RALGAPA2: variants seen among roughly 807,000 people sequenced by gnomAD.
RALGAPA2 encodes the protein ral GTPase-activating protein subunit alpha-2.
Under a neutral mutation model 230.4 loss-of-function variants are expected in RALGAPA2, and 139 were observed. The observed-to-expected ratio is 0.60, with a 90% CI of 0.53 to 0.69. The LOEUF (loss-of-function observed/expected upper bound fraction) is 0.69, where lower values mean the gene tolerates loss of function less well. Ranked by LOEUF, RALGAPA2 falls within the 30% of genes least tolerant of loss-of-function variation. RALGAPA2 has a pLI of 0.00. For synonymous variants in RALGAPA2, 847 were observed against 837.8 expected (o/e 1.01, Z -0.19); for missense variants, 2,163 against 2,276.0 (o/e 0.95, Z 1.01).
chr20:20,492,844 C>T (rs773627980), intron 36 of RALGAPA2, among the ~76,000 whole-genome samples: 1 of 152,066 alleles, frequency 6.6e-6, no homozygotes, highest in Admixed American at 6.5e-5. Context: ...AATTATATTG[C>T]TTAATTAATC....
At chr20:20,496,668 A>G (rs902780335) in intron 35 of RALGAPA2, among the ~76,000 whole-genome samples, 9 of 152,218 alleles carry the variant, frequency 5.9e-5, no homozygotes, top group Non-Finnish European at 1.3e-4. Flanking sequence ...GTATTTTTTA[A>G]AAAGGTGTTC....
In RALGAPA2 at chr20:20,389,663, A is replaced by G. The variant is rs994351440; in HGVS notation, c.*3626T>C. The G allele has an allele frequency of 6.6e-6, 1 of 151,940 alleles. No homozygotes were observed. Among genetic ancestry groups the G allele is most frequent in the African/African-American group, 2.4e-5 (1 of 41,348 alleles). 9.4% of individuals were successfully genotyped at this position (151,940 alleles called of 1,614,324 possible). Reference sequence around the variant, plus strand: ...CCACTTTATTAAATCATCACAGTAAATCAGAATTAAAGAGTAAAAGAGGTT... The same window carrying G: ...CCACTTTATTAAATCATCACAGTAAGTCAGAATTAAAGAGTAAAAGAGGTT... On this transcript the variant is annotated 3_prime_UTR_variant, in exon 40 of 40. Transcript: ENST00000202677.
At chr20:20,574,525 G>T (rs184516376) in intron 20 of RALGAPA2, among the ~76,000 whole-genome samples, 1 of 152,124 alleles carries the variant, frequency 6.6e-6, no homozygotes, top group Non-Finnish European at 1.5e-5. Context: ...ATTTGAGTAC[G>T]TCTCCAGCTT....
chr20:20,626,359 C>G (rs187964859), intron 10 of RALGAPA2, among the ~76,000 whole-genome samples: 2 of 152,182 alleles, frequency 1.3e-5, no homozygotes, highest in East Asian at 3.8e-4. Flanking sequence ...TTCACATACA[C>G]AGTTACTCTT....
In RALGAPA2 at chr20:20,611,364, T is replaced by C; in HGVS notation, c.1751A>G (p.Lys584Arg). The change falls in exon 14 of 40, where the codon AAA becomes AGA. Residue 584 changes from lysine to arginine, a missense_variant. Lys to Arg is a conservative substitution (Grantham distance 26). Transcript: ENST00000202677. The part of the protein sequence containing the change: ...TEAVMQKPKD[K>R]QIKDLFAQSL... ...CTGGGCAAACAAGTCCTTTATTTGT[T>C]TATCCTTTGGCTTCTGCATGACAGC... 1.9e-6 allele frequency: 3 copies of C among 1,613,672 alleles called. No homozygotes were observed. In the South Asian group the frequency reaches 3.3e-5, roughly 18 times the overall value.
intron 23 of RALGAPA2, among the ~76,000 whole-genome samples, chr20:20,569,431 T>A (rs1161681814): frequency 6.6e-6 from 1 of 152,178 alleles, no homozygotes; most frequent in Non-Finnish European, 1.5e-5. Context: ...ATTTATGATA[T>A]CCTCATTTCA....
chr20:20,400,106 C>G (rs2122654739), intron 38 of RALGAPA2, among the ~76,000 whole-genome samples: 1 of 152,278 alleles, frequency 6.6e-6, no homozygotes, highest in East Asian at 1.9e-4. Context: ...TATTCAGACC[C>G]CTTGGAATGG....
intron 35 of RALGAPA2, among the ~76,000 whole-genome samples, chr20:20,500,586 G>A (rs2062345018): frequency 6.6e-6 from 1 of 152,186 alleles, no homozygotes; most frequent in Non-Finnish European, 1.5e-5. Flanking sequence ...AATGTGCAGT[G>A]ACTTCCTTCA....
chr20:20,543,698 G>A (rs2063708303), intron 24 of RALGAPA2, among the ~76,000 whole-genome samples: 1 of 152,144 alleles, frequency 6.6e-6, no homozygotes, highest in Non-Finnish European at 1.5e-5. Context: ...CTTGGACACA[G>A]GAAGGGGAAC....
Position 20,413,078 on chromosome 20 carries a change from C to T in RALGAPA2, c.5496-930G>A, listed in dbSNP as rs183772265. 9.3e-4 allele frequency among the ~76,000 whole-genome samples: 141 copies of T among 152,310 alleles called. 2 individuals are homozygous for T. Among genetic ancestry groups the T allele is most frequent in the Admixed American group, 3.3e-3 (51 of 15,304 alleles). Reference sequence around the variant, plus strand: ...AAGTCCGCATGACGTCTCATTTTCCCCTTCCTCATTATCAATGCAAAAGTT... The same window carrying T: ...AAGTCCGCATGACGTCTCATTTTCCTCTTCCTCATTATCAATGCAAAAGTT... On this transcript the variant is annotated intron_variant, in intron 37 of 39. Coordinates refer to ENST00000202677, the MANE Select transcript of RALGAPA2 (RefSeq NM_020343.4).
chr20:20,640,832 A>G lies in RALGAPA2; in HGVS notation c.419T>C (p.Leu140Pro). The G allele has an allele frequency of 1.2e-6, 2 of 1,613,854 alleles. No homozygotes were observed. Among genetic ancestry groups the G allele is most frequent in the Non-Finnish European group, 1.7e-6 (2 of 1,179,800 alleles). ...CTGCTCTTCTGCACAGTTTGTCTGA[A>G]GTGCTTGAAGCCACAGAAGAAACAG... ...IRLFLLWLQA[L>P]QTNCAEEQVL... The change falls in exon 6 of 40, where the codon CTT (leucine) becomes CCT (proline). Residue 140 changes from leucine to proline, a missense_variant. Coordinates refer to ENST00000202677, the MANE Select transcript of RALGAPA2 (RefSeq NM_020343.4).
intron 37 of RALGAPA2, among the ~76,000 whole-genome samples, chr20:20,449,295 A>T (rs760917048): frequency 1.8e-4 from 28 of 152,242 alleles, no homozygotes; most frequent in Non-Finnish European, 3.8e-4. Context: ...CTTTGACATC[A>T]TTCAATCCCA....
chr20:20,678,326 G>C (rs778405461), intron 2 of RALGAPA2, among the ~76,000 whole-genome samples: 18 of 151,998 alleles, frequency 1.2e-4, no homozygotes, highest in Non-Finnish European at 2.5e-4. Context: ...ATTTTTATTG[G>C]TTCTTCACTA....
intron 10 of RALGAPA2, among the ~76,000 whole-genome samples, chr20:20,623,875 C>T (rs1245087002): frequency 2.0e-5 from 3 of 151,990 alleles, no homozygotes; most frequent in Admixed American, 1.3e-4. Context: ...TATGTTAAAC[C>T]TATTTACCCT....
At chr20:20,441,776 C>A (rs2060746796) in intron 37 of RALGAPA2, among the ~76,000 whole-genome samples, 1 of 152,154 alleles carries the variant, frequency 6.6e-6, no homozygotes, top group Admixed American at 6.5e-5. Context: ...GGGATGTAGT[C>A]TGAGCTGTTT....
chr20:20,584,917 A>G lies in RALGAPA2; in HGVS notation c.2478T>C (p.Asp826=). 2.5e-6 allele frequency: 4 copies of G among 1,611,908 alleles called. No homozygotes were observed. The highest frequency in any genetic ancestry group is 3.4e-6 in the Non-Finnish European group (4 of 1,178,768). ...GTGTCTGCTGCAAATCATCTTTCAA[A>G]TCCAATTCAGCAGGGCTGCTGCTTC... is the stretch of plus-strand genomic sequence containing the variant. The part of the protein sequence containing the change: ...VRRSSSPAEL[D]LKDDLQQTQG... Residue 826 remains aspartate, a synonymous_variant, in exon 19 of 40, where the codon GAT becomes GAC. Transcript: ENST00000202677.
intron 23 of RALGAPA2, among the ~76,000 whole-genome samples, chr20:20,563,674 A>G (rs1051068169): frequency 1.3e-5 from 2 of 152,020 alleles, no homozygotes; most frequent in African/African-American, 2.4e-5. Context: ...TCATGCCCAC[A>G]TGTCTTCCTT....
chr20:20,686,838 G>C (rs2146880351), intron 1 of RALGAPA2, among the ~76,000 whole-genome samples: 1 of 152,240 alleles, frequency 6.6e-6, no homozygotes. Flanking sequence ...ACAAAAACCT[G>C]CTTCAGCAGA....
At chr20:20,524,787 A>T in intron 29 of RALGAPA2, 43 bp downstream of exon 29, 1 of 1,468,840 alleles carries the variant, frequency 6.8e-7, no homozygotes, top group Non-Finnish European at 9.2e-7. Context: ...CTTACATTAA[A>T]ATAAAAAAAC....
Sources: gnomAD v4.1 joint callset for allele counts (sites outside exome capture counted in the v4.1 genomes callset) on GRCh38, gnomAD v4.1.1 for gene constraint, MANE v1.5 for transcripts, NCBI Gene and HGNC (gene_info 2026-07-23, HGNC 2026-07-21) for gene names.